SLC16A10: variants seen among roughly 807,000 people sequenced by gnomAD.
SLC16A10 encodes solute carrier family 16 member 10.
In SLC16A10, 27 loss-of-function variants were observed where a neutral mutation model predicts 40.0. The ratio of observed to expected loss-of-function variants is 0.67; its 90% CI spans 0.50 to 0.93. The LOEUF (loss-of-function observed/expected upper bound fraction) is 0.93, where lower values mean the gene tolerates loss of function less well. Among genes scored for constraint, SLC16A10 ranks in the 40% least tolerant of loss-of-function variants. The pLI, the probability that SLC16A10 is intolerant of heterozygous loss-of-function variation, is 0.00. For synonymous variants in SLC16A10, 213 were observed against 249.8 expected (o/e 0.85, Z 1.39); for missense variants, 529 against 658.2 (o/e 0.80, Z 2.15).
chr6:111,117,611 T>C (rs1261902307), intron 1 of SLC16A10, among the ~76,000 whole-genome samples: 1 of 152,194 alleles, frequency 6.6e-6, no homozygotes, highest in Non-Finnish European at 1.5e-5. Flanking sequence ...AAGTACTATT[T>C]CTTTTCTCTA....
intron 4 of SLC16A10, among the ~76,000 whole-genome samples, chr6:111,212,461 A>G (rs1343440159): frequency 6.6e-6 from 1 of 152,122 alleles, no homozygotes; most frequent in African/African-American, 2.4e-5. Flanking sequence ...AACTTCCATC[A>G]AGGTCCTGGG....
At chr6:111,100,946 C>T (rs911373991) in intron 1 of SLC16A10, among the ~76,000 whole-genome samples, 3 of 114,666 alleles carry the variant, frequency 2.6e-5, no homozygotes, top group East Asian at 2.2e-4. Flanking sequence ...GGTTCTCTCT[C>T]GCTCTTTCTC....
chr6:111,207,782 G>A (rs1172585256), intron 4 of SLC16A10, among the ~76,000 whole-genome samples: 2 of 152,136 alleles, frequency 1.3e-5, no homozygotes, highest in East Asian at 1.9e-4. Flanking sequence ...TGTGACATGG[G>A]ATGTTATATC....
intron 4 of SLC16A10, among the ~76,000 whole-genome samples, chr6:111,211,348 C>A (rs1348821949): frequency 6.6e-6 from 1 of 152,128 alleles, no homozygotes. Flanking sequence ...TGACTGTTTC[C>A]AGTAATTTAC....
intron 2 of SLC16A10, among the ~76,000 whole-genome samples, chr6:111,173,980 A>G (rs1164539150): frequency 6.6e-6 from 1 of 152,162 alleles, no homozygotes; most frequent in East Asian, 1.9e-4. Flanking sequence ...AGAAGAAAAG[A>G]CACAGTGCAC....
chr6:111,107,442 T>G (rs1465289664), intron 1 of SLC16A10, among the ~76,000 whole-genome samples: 1 of 152,166 alleles, frequency 6.6e-6, no homozygotes, highest in Non-Finnish European at 1.5e-5. Context: ...GACAATACTC[T>G]AAAGGAACCA....
chr6:111,171,200 T>C (rs1479464526), intron 1 of SLC16A10, among the ~76,000 whole-genome samples: 1 of 152,204 alleles, frequency 6.6e-6, no homozygotes, highest in African/African-American at 2.4e-5. Flanking sequence ...CATGTCTTGA[T>C]TGGATTGTGC....
intron 3 of SLC16A10, chr6:111,178,709 A>G (rs555142370): frequency 9.4e-6 from 2 of 212,672 alleles, no homozygotes; most frequent in African/African-American, 2.4e-5. Context: ...ATTGGCACAC[A>G]TATTTGTATG....
chr6:111,195,066 A>C (rs1483010803), intron 3 of SLC16A10, among the ~76,000 whole-genome samples: 1 of 152,140 alleles, frequency 6.6e-6, no homozygotes, highest in Non-Finnish European at 1.5e-5. Context: ...CCTGAAATAA[A>C]ATTCCTAGAT....
chr6:111,091,359 A>G (rs1770972018), intron 1 of SLC16A10: 1 of 152,148 alleles, frequency 6.6e-6, no homozygotes, highest in Non-Finnish European at 1.5e-5. Flanking sequence ...CATTCATCAT[A>G]TTGCATTGAC....
intron 3 of SLC16A10, 178 bp downstream of exon 3, chr6:111,177,843 A>G (rs750128514): frequency 9.7e-5 from 54 of 557,378 alleles, no homozygotes; most frequent in Non-Finnish European, 1.5e-4. Flanking sequence ...ACCACTAAAC[A>G]GAGAGAGTAT....
chr6:111,188,725 G>A lies in SLC16A10; in HGVS notation c.942+11060G>A, dbSNP rs1772942425. Among the ~76,000 whole-genome samples, 2 of 152,132 alleles carry A rather than the reference G, an allele frequency of 1.3e-5. 1 individual carries two copies. Among genetic ancestry groups the A allele is most frequent in the South Asian group, 4.2e-4 (2 of 4,818 alleles). On this transcript the variant is annotated intron_variant, in intron 3 of 5. Transcript: ENST00000368851. Reference sequence around the variant, plus strand: ...TTTCTTGTATTTTTGTTGTTGTTATGTGGCCTGGAAATGTTTCCTTTATTC... The same window carrying A: ...TTTCTTGTATTTTTGTTGTTGTTATATGGCCTGGAAATGTTTCCTTTATTC...
chr6:111,110,782 C>A (rs555715561), intron 1 of SLC16A10, among the ~76,000 whole-genome samples: 1 of 152,162 alleles, frequency 6.6e-6, no homozygotes, highest in Non-Finnish European at 1.5e-5. Flanking sequence ...GATAGGTGAA[C>A]TATACAATTG....
intron 3 of SLC16A10, among the ~76,000 whole-genome samples, chr6:111,197,820 A>C (rs148462265): frequency 6.4e-4 from 97 of 152,152 alleles, no homozygotes; most frequent in African/African-American, 2.0e-3. Flanking sequence ...CTCTTAACCC[A>C]ATCTCTAGTG....
rs995087021 is a variant in SLC16A10, at chr6:111,226,030, C to G, written c.*3795C>G. 2 of 152,174 alleles carry G rather than the reference C, an allele frequency of 1.3e-5. No individual in the cohort carries two copies. Among genetic ancestry groups the G allele is most frequent in the African/African-American group, 4.8e-5 (2 of 41,440 alleles). 9.4% of individuals were successfully genotyped at this position (152,174 alleles called of 1,614,324 possible). On this transcript the variant is annotated 3_prime_UTR_variant, in exon 6 of 6. Transcript: ENST00000368851. ...TGTATCCTGGTGAATGGCTTTCTCT[C>G]AGCCTTCGACTTAGTTCTAATGATC...
At chr6:111,127,223 A>G (rs542853672) in intron 1 of SLC16A10, among the ~76,000 whole-genome samples, 2 of 152,296 alleles carry the variant, frequency 1.3e-5, no homozygotes, top group African/African-American at 4.8e-5. Context: ...ATGGAGTGAC[A>G]AGGACTTTGA....
At chr6:111,169,463 C>T (rs1242407824) in intron 1 of SLC16A10, among the ~76,000 whole-genome samples, 2 of 152,216 alleles carry the variant, frequency 1.3e-5, no homozygotes, top group African/African-American at 4.8e-5. Flanking sequence ...CAGGAGGGCT[C>T]ATGTTGGAAT....
intron 1 of SLC16A10, among the ~76,000 whole-genome samples, chr6:111,103,077 C>G (rs753620483): frequency 2.6e-5 from 4 of 151,838 alleles, no homozygotes; most frequent in Non-Finnish European, 5.9e-5. Context: ...GGCTAATTTT[C>G]ATATTTTTTG....
At chr6:111,166,947 A>G (rs937889422) in intron 1 of SLC16A10, among the ~76,000 whole-genome samples, 2 of 152,210 alleles carry the variant, frequency 1.3e-5, no homozygotes, top group Non-Finnish European at 2.9e-5. Context: ...ACATATTCAA[A>G]TAAGAGTTAT....
Sources: allele counts gnomAD v4.1 joint callset (sites outside exome capture counted in the v4.1 genomes callset), GRCh38; gene constraint gnomAD v4.1.1; transcripts MANE v1.5; gene names NCBI Gene and HGNC (gene_info 2026-07-23, HGNC 2026-07-21).